Variants in FGR observed in about 807,000 individuals in gnomAD.
The protein encoded by FGR is FGR proto-oncogene, Src family tyrosine kinase, also known as tyrosine-protein kinase Fgr.
A neutral mutation model predicts 63.2 loss-of-function variants in FGR; 26 were observed. The observed-to-expected ratio is 0.41, with a 90% CI of 0.30 to 0.57. The LOEUF (loss-of-function observed/expected upper bound fraction) is 0.57. Among genes scored for constraint, FGR ranks in the 20% least tolerant of loss-of-function variants. The pLI is 0.27. For missense variants in FGR, 511 were observed against 690.8 expected, an observed-to-expected ratio of 0.74 and a Z score of 2.92; for synonymous variants, 286 against 277.7, an observed-to-expected ratio of 1.03 and a Z score of -0.30.
intron 1 of FGR, among the ~76,000 whole-genome samples, chr1:27,633,322 G>A (rs534896083): frequency 1.3e-5 from 2 of 152,262 alleles, no homozygotes; most frequent in South Asian, 4.2e-4. Flanking sequence ...GTGGGAACAG[G>A]GTCCTGCTCT....
intron 11 of FGR, 69 bp downstream of exon 11, chr1:27,614,361 G>A (rs1449486000): frequency 3.9e-6 from 6 of 1,532,902 alleles, no homozygotes; most frequent in Admixed American, 3.7e-5. Flanking sequence ...GGGTTCCTGA[G>A]TGCGTGGGGC....
Position 27,616,716 on chromosome 1 carries a change from G to T in FGR, c.682+141C>A. ...AGAAGCTCACAGAGCTGGATCCTGGGCTGGCAGACCCCATCCTTGGGTTCT... is the reference window on the plus strand; with the variant it reads ...AGAAGCTCACAGAGCTGGATCCTGGTCTGGCAGACCCCATCCTTGGGTTCT... On this transcript the variant is annotated intron_variant, in intron 7 of 12. Coordinates refer to ENST00000374005, the MANE Select transcript of FGR (RefSeq NM_005248.3). This position sits in a 1 kb window ranked among gnomAD's most constrained non-coding sequence, Gnocchi z 4.3. 1.2e-6 allele frequency: 1 copy of T among 839,920 alleles called. No homozygotes were observed. Among genetic ancestry groups the T allele is most frequent in the Non-Finnish European group, 1.9e-6 (1 of 527,212 alleles). The allele number at this position is 839,920 out of a possible 1,614,324, so 52.0% of individuals were successfully genotyped here. A position where few individuals can be genotyped will look rare whatever the true frequency, so the allele number is the denominator to read the frequency against.
Position 27,632,473 on chromosome 1 carries a change from T to C in FGR, c.-77+2592A>G, listed in dbSNP as rs916643368. Among the ~76,000 whole-genome samples the C allele has an allele frequency of 4.6e-5, 7 of 152,226 alleles. No homozygotes were observed. In the East Asian group the frequency reaches 1.4e-3, roughly 29 times the overall value. The stretch of plus-strand genomic sequence containing the variant: ...CCCTTTCATCTCACACCATCCTTTC[T>C]TGAGGCCTCGAAACTGCCTCCTGAA... On this transcript the variant is annotated intron_variant, in intron 1 of 12. Coordinates refer to ENST00000374005, the MANE Select transcript of FGR (RefSeq NM_005248.3).
Position 27,617,397 on chromosome 1 carries a change from T to G in FGR, c.429-101A>C. ...AAGCCAAGACTCCATTTTCCCCATG[T>G]GTAAAATGGGGCTGGTACACCTGCT... On this transcript the variant is annotated intron_variant, in intron 5 of 12. Coordinates refer to ENST00000374005, the MANE Select transcript of FGR (RefSeq NM_005248.3). The surrounding 1 kb of genome is among the most constrained non-coding windows in gnomAD (Gnocchi z 4.5). 2.5e-6 allele frequency: 2 copies of G among 808,304 alleles called. No individual in the cohort carries two copies. Among genetic ancestry groups the G allele is most frequent in the Non-Finnish European group, 4.2e-6 (2 of 475,778 alleles). The allele number at this position is 808,304 out of a possible 1,614,324, so 50.1% of individuals were successfully genotyped here. A position where few individuals can be genotyped will look rare whatever the true frequency, so the allele number is the denominator to read the frequency against.
intron 1 of FGR, among the ~76,000 whole-genome samples, chr1:27,632,851 G>A (rs953895085): frequency 1.3e-5 from 2 of 152,068 alleles, no homozygotes; most frequent in Non-Finnish European, 2.9e-5. Context: ...GGGCGGTGAG[G>A]GGGACATCCT....
chr1:27,614,749 C>T (rs537430636), intron 10 of FGR, 101 bp downstream of exon 10: 1 of 1,346,086 alleles, frequency 7.4e-7, no homozygotes, highest in Non-Finnish European at 1.0e-6. Flanking sequence ...ACAGCTGATG[C>T]AGGGGGCGGG....
rs2089713592 is a variant in FGR at position 27,612,512 on chromosome 1, A to G, written c.*402T>C. On this transcript the variant is annotated 3_prime_UTR_variant, in exon 13 of 13. Coordinates refer to ENST00000374005, the MANE Select transcript of FGR (RefSeq NM_005248.3). The stretch of plus-strand genomic sequence containing the variant: ...CAGACACAAGAGAATAGAGGGTAGA[A>G]GGGAAATTCTTGGCACCTGGACTAG... 1 of 173,652 alleles carries G rather than the reference A, an allele frequency of 5.8e-6. No homozygotes were observed. Among genetic ancestry groups the G allele is most frequent in the Non-Finnish European group, 1.2e-5 (1 of 80,520 alleles). 10.8% of individuals were successfully genotyped at this position (173,652 alleles called of 1,614,324 possible).
chr1:27,614,321 G>A, intron 11 of FGR, 109 bp downstream of exon 11: 1 of 1,249,766 alleles, frequency 8.0e-7, no homozygotes, highest in Non-Finnish European at 1.1e-6. Context: ...ACATCAGGAT[G>A]GGGCGACTCG....
Position 27,615,397 on chromosome 1 carries a change from A to AC in FGR, c.1018+36dup, listed in dbSNP as rs1218372150. 5 of 1,578,060 alleles carry AC rather than the reference A, an allele frequency of 3.2e-6. No individual in the cohort carries two copies. In the South Asian group the frequency reaches 5.7e-5, roughly 18 times the overall value. ...GCCTGAAAACTCCCCTCTTAACTTC[A>AC]CCCCGAATCCCGCCCGACCAGGCTC... On this transcript the variant is annotated intron_variant, in intron 9 of 12. Coordinates refer to ENST00000374005, the MANE Select transcript of FGR (RefSeq NM_005248.3). The surrounding 1 kb of genome is among the most constrained non-coding windows in gnomAD (Gnocchi z 7.6).
chr1:27,623,200 G>T, intron 3 of FGR, 56 bp from the exon 4 acceptor site: 1 of 1,322,694 alleles, frequency 7.6e-7, no homozygotes, highest in Non-Finnish European at 1.1e-6. Context: ...CACCAAGGGG[G>T]CTGCACCCCA....
chr1:27,621,016 AAAAGAAAG>A (rs565256399), intron 5 of FGR, among the ~76,000 whole-genome samples: 3 of 129,796 alleles, frequency 2.3e-5, no homozygotes, highest in Non-Finnish European at 5.0e-5. Flanking sequence ...AAAAAAAAAA[AAAAGAAAG>A]AAAGAAAGAA....
intron 1 of FGR, among the ~76,000 whole-genome samples, chr1:27,630,845 A>G (rs955509244): frequency 2.0e-5 from 3 of 151,634 alleles, no homozygotes; most frequent in Non-Finnish European, 2.9e-5. Context: ...CTGAGGTCCA[A>G]CCCTGGACCG....
Position 27,615,870 on chromosome 1 carries a change from T to A in FGR, c.683-26A>T, listed in dbSNP as rs1183196486. On this transcript the variant is annotated intron_variant, in intron 7 of 12. Transcript: ENST00000374005. This position sits in a 1 kb window ranked among gnomAD's most constrained non-coding sequence, Gnocchi z 7.6. ...CTAGGGGAGGGGTCATGAAGTAGAG[T>A]CACAGGTGGGCCAGGACACCCCCCT... 6.5e-7 allele frequency: 1 copy of A among 1,547,858 alleles called. No homozygotes were observed. The highest frequency in any genetic ancestry group is 8.8e-7 in the Non-Finnish European group (1 of 1,141,404).
intron 4 of FGR, 72 bp downstream of exon 4, chr1:27,622,970 C>T (rs1022696920): frequency 1.9e-6 from 2 of 1,057,598 alleles, no homozygotes; most frequent in African/African-American, 3.1e-5. Flanking sequence ...AGGCTAGGGA[C>T]CAGGTGGGAT....
intron 1 of FGR, among the ~76,000 whole-genome samples, chr1:27,634,167 C>A (rs1382789035): frequency 1.3e-5 from 2 of 151,970 alleles, no homozygotes; most frequent in African/African-American, 2.4e-5. Context: ...CCCGGAGCCC[C>A]GCGGCGGCCC....
intron 1 of FGR, among the ~76,000 whole-genome samples, chr1:27,634,635 C>T (rs2090152850): frequency 6.6e-6 from 1 of 151,846 alleles, no homozygotes; most frequent in South Asian, 2.1e-4. Flanking sequence ...CCACCCATTT[C>T]CCCTCTCCTG....
At chr1:27,624,794 G>A (rs929804615) in intron 2 of FGR, among the ~76,000 whole-genome samples, 1 of 152,064 alleles carries the variant, frequency 6.6e-6, no homozygotes, top group Non-Finnish European at 1.5e-5. Flanking sequence ...CAGTGTGCCT[G>A]TCTCTGGATG....
chr1:27,621,518 G>GTCCT, intron 5 of FGR, 41 bp downstream of exon 5: 1 of 1,478,732 alleles, frequency 6.8e-7, no homozygotes, highest in Non-Finnish European at 9.5e-7. Flanking sequence ...GGACTCCAGG[G>GTCCT]TCCTGTCCAT....
At chr1:27,631,736 C>A (rs1350469241) in intron 1 of FGR, among the ~76,000 whole-genome samples, 2 of 152,112 alleles carry the variant, frequency 1.3e-5, no homozygotes, top group Non-Finnish European at 2.9e-5. Flanking sequence ...GGGTACAGAA[C>A]TGGGCAGGGC....
Sources: gnomAD v4.1 joint callset for allele counts (sites outside exome capture counted in the v4.1 genomes callset) on GRCh38, gnomAD v4.1.1 for gene constraint, Gnocchi (gnomAD v3.1) non-coding constraint, MANE v1.5 for transcripts, NCBI Gene and HGNC (gene_info 2026-07-23, HGNC 2026-07-21) for gene names.